Variants in NUP153 observed in about 807,000 individuals in gnomAD.
NUP153 encodes nuclear pore complex protein Nup153.
A neutral mutation model predicts 134.6 loss-of-function variants in NUP153; 27 were observed. That is an observed-to-expected ratio of 0.20 (90% CI 0.15 to 0.28). The LOEUF is 0.28. Among genes scored for constraint, NUP153 ranks in the 10% least tolerant of loss-of-function variants. NUP153 has a pLI of 1.00. For synonymous variants in NUP153, 640 were observed against 623.5 expected (o/e 1.03, Z -0.40); for missense variants, 1,821 against 1,731.3 (o/e 1.05, Z -0.92).
At chr6:17,679,922 C>T (rs764866163) in intron 2 of NUP153, among the ~76,000 whole-genome samples, 5 of 152,202 alleles carry the variant, frequency 3.3e-5, no homozygotes, top group Non-Finnish European at 7.3e-5. Context: ...AACTGATTTA[C>T]AGCATTGTTG....
At chr6:17,673,160 A>G (rs1318198598) in intron 5 of NUP153, among the ~76,000 whole-genome samples, 1 of 152,196 alleles carries the variant, frequency 6.6e-6, no homozygotes, top group African/African-American at 2.4e-5. Context: ...CAAGGTCAAG[A>G]GTTCGAGACC....
chr6:17,618,677 T>C (rs1764471907), intron 20 of NUP153, among the ~76,000 whole-genome samples: 1 of 151,828 alleles, frequency 6.6e-6, no homozygotes, highest in Non-Finnish European at 1.5e-5. Flanking sequence ...GCCATTCTCC[T>C]GCCTCAGTCT....
chr6:17,675,456 C>A lies in NUP153; in HGVS notation c.583+66G>T, dbSNP rs1768164432. The A allele has an allele frequency of 6.3e-7, 1 of 1,576,238 alleles. No homozygotes were observed. The highest frequency in any genetic ancestry group is 1.2e-5 in the South Asian group (1 of 84,524). The stretch of plus-strand genomic sequence containing the variant: ...TAGAAAATAAAAATTACAACCAAGT[C>A]AGAAAAAAAACCCATAAAATTTAAT... On this transcript the variant is annotated intron_variant, in intron 3 of 21. Transcript: ENST00000262077. The surrounding 1 kb of genome is among the most constrained non-coding windows in gnomAD (Gnocchi z 4.4).
rs774133001 is a variant in NUP153, at chr6:17,669,476, G to A, written c.923C>T (p.Ala308Val). 4 of 1,614,090 alleles carry A rather than the reference G, an allele frequency of 2.5e-6. No homozygotes were observed. Among genetic ancestry groups the A allele is most frequent in the Non-Finnish European group, 3.4e-6 (4 of 1,179,964 alleles). ...CTCTAAAGACTGCAATATTCGCCGA[G>A]CTGTTGAACTGGTCACACCGTAAGA... is the stretch of plus-strand genomic sequence containing the variant. ...AQSYGVTSSTARRILQSLEKM... is the reference protein window; with the variant it reads ...AQSYGVTSSTVRRILQSLEKM... The change falls in exon 6 of 22, where the codon GCT becomes GTT. Residue 308 changes from alanine to valine, a missense_variant. By Grantham distance (64) the Ala-to-Val change is moderately conservative (BLOSUM62 0). Coordinates refer to ENST00000262077, the MANE Select transcript of NUP153 (RefSeq NM_005124.4).
Position 17,706,602 on chromosome 6 carries a change from C to T in NUP153, c.-215G>A, listed in dbSNP as rs1770518880. 3 of 578,098 alleles carry T rather than the reference C, an allele frequency of 5.2e-6. No homozygotes were observed. Among genetic ancestry groups the T allele is most frequent in the Non-Finnish European group, 3.0e-6 (1 of 328,154 alleles). 35.8% of individuals were successfully genotyped at this position (578,098 alleles called of 1,614,324 possible). On this transcript the variant is annotated 5_prime_UTR_variant, in exon 1 of 22. Coordinates refer to ENST00000262077, the MANE Select transcript of NUP153 (RefSeq NM_005124.4). The surrounding 1 kb of genome is among the most constrained non-coding windows in gnomAD (Gnocchi z 5.9). ...GCAGCGGGGAAGGGGGTGGCGGCCG[C>T]AGAGGCCGAGGAGGCTCCGGTCCGG...
At chr6:17,682,104 GGAGA>G (rs1768616270) in intron 2 of NUP153, among the ~76,000 whole-genome samples, 1 of 152,128 alleles carries the variant, frequency 6.6e-6, no homozygotes, top group African/African-American at 2.4e-5. Flanking sequence ...CAGCTACCTG[GGAGA>G]GTGAGGAGGA....
chr6:17,656,659 G>A (rs1766837118), intron 11 of NUP153, among the ~76,000 whole-genome samples: 1 of 152,134 alleles, frequency 6.6e-6, no homozygotes, highest in African/African-American at 2.4e-5. Flanking sequence ...AGAAAGGAAA[G>A]CTTTACTTAG....
chr6:17,681,295 T>C (rs947761145), intron 2 of NUP153, among the ~76,000 whole-genome samples: 11 of 151,294 alleles, frequency 7.3e-5, no homozygotes, highest in African/African-American at 1.9e-4. Flanking sequence ...AGACAGAGAA[T>C]AGAATGATGG....
rs750135954 is a variant in NUP153 at position 17,675,612 on chromosome 6, G to C, written c.493C>G (p.Leu165Val). ...GTAGAATCTTTAATTTCCTTTACAA[G>C]GGAAAATCCCGAACTGCCAATTGGG... ...AFPIGSSGFS[L>V]VKEIKDSTSQ... The change falls in exon 3 of 22, where the codon CTT becomes GTT. Residue 165 changes from leucine (L) to valine (V), a missense_variant. Coordinates refer to ENST00000262077, the MANE Select transcript of NUP153 (RefSeq NM_005124.4). This position sits in a 1 kb window ranked among gnomAD's most constrained non-coding sequence, Gnocchi z 4.4. 4 of 1,614,068 alleles carry C rather than the reference G, an allele frequency of 2.5e-6. No homozygotes were observed. The East Asian group carries it at 8.9e-5, about 36-fold the overall frequency.
intron 11 of NUP153, among the ~76,000 whole-genome samples, chr6:17,657,370 C>G (rs1561880612): frequency 6.7e-6 from 1 of 150,352 alleles, no homozygotes. Flanking sequence ...TGGCAAAACC[C>G]CGTCTCTACT....
Position 17,628,671 on chromosome 6 carries a change from T to C in NUP153, c.3528A>G (p.Gln1176=), listed in dbSNP as rs759930405. ...AATACTTACCAGCTGTAGTACTAGT[T>C]TGAGCTCCAAAGGCAAAAGTGGCTT... The part of the protein sequence containing the change: ...PAKATFAFGA[Q]TSTTADQGAA... The change falls in exon 18 of 22, where the codon CAA becomes CAG. Residue 1176 remains glutamine (Q), a synonymous_variant. Transcript: ENST00000262077. This position sits in a 1 kb window ranked among gnomAD's most constrained non-coding sequence, Gnocchi z 5.4. 1 of 1,601,964 alleles carries C rather than the reference T, an allele frequency of 6.2e-7. No homozygotes were observed. Among genetic ancestry groups the C allele is most frequent in the South Asian group, 1.1e-5 (1 of 89,986 alleles).
At chr6:17,663,095 G>T (rs114254315) in intron 9 of NUP153, among the ~76,000 whole-genome samples, 250 of 152,166 alleles carry the variant, frequency 1.6e-3, no homozygotes, top group African/African-American at 5.6e-3. Flanking sequence ...TTTGACCACT[G>T]CTATGCATTA....
chr6:17,637,023 G>A, intron 16 of NUP153, 130 bp downstream of exon 16: 1 of 914,736 alleles, frequency 1.1e-6, no homozygotes. Flanking sequence ...TTTACCTCAA[G>A]ATAGTTTAGA....
chr6:17,637,810 T>G, intron 15 of NUP153, 40 bp from the exon 16 acceptor site: 1 of 1,539,296 alleles, frequency 6.5e-7, no homozygotes, highest in Admixed American at 2.0e-5. Context: ...TTAGAGAAGC[T>G]TTATAAATCA....
rs140065471 is a variant in NUP153 at position 17,636,655 on chromosome 6, C to G, written c.2464+498G>C. ...TTTGAACAGAGAAACAGAAAAAACT[C>G]AAAACTAACTCCATGTTTCTGGCTG... On this transcript the variant is annotated intron_variant, in intron 16 of 21. Transcript: ENST00000262077. 1.8e-4 allele frequency among the ~76,000 whole-genome samples: 27 copies of G among 152,196 alleles called. No homozygotes were observed. The East Asian group carries it at 4.6e-3, about 26-fold the overall frequency.
At chr6:17,679,770 T>C (rs760509626) in intron 2 of NUP153, among the ~76,000 whole-genome samples, 1 of 152,180 alleles carries the variant, frequency 6.6e-6, no homozygotes, top group Admixed American at 6.6e-5. Context: ...CCTGAGGCTT[T>C]AGTCACAAAA....
At chr6:17,618,788 G>A (rs1050318263) in intron 20 of NUP153, among the ~76,000 whole-genome samples, 14 of 152,218 alleles carry the variant, frequency 9.2e-5, no homozygotes, top group South Asian at 2.1e-4. Context: ...GGATGGTCTC[G>A]ATATCCTGAC....
In NUP153 at chr6:17,675,704, C is replaced by A. The variant is rs760415393; in HGVS notation, c.401G>T (p.Ser134Ile). Residue 134 changes from serine (S) to isoleucine (I), a missense_variant, in exon 3 of 22, where the codon AGC becomes ATC. Coordinates refer to ENST00000262077, the MANE Select transcript of NUP153 (RefSeq NM_005124.4). This position sits in a 1 kb window ranked among gnomAD's most constrained non-coding sequence, Gnocchi z 4.4. ...DVLTRPSLHR[S>I]HLNFSMLESP... is the part of the protein sequence containing the mutation. ...TTCCAACATGGAAAAATTCAGATGG[C>A]TCCGATGAAGAGAAGGCCTTGTTAA... is the stretch of plus-strand genomic sequence containing the variant. 1 of 1,613,918 alleles carries A rather than the reference C, an allele frequency of 6.2e-7. No homozygotes were observed. Among genetic ancestry groups the A allele is most frequent in the African/African-American group, 1.3e-5 (1 of 74,906 alleles).
chr6:17,694,152 T>C (rs1366932929), intron 1 of NUP153, among the ~76,000 whole-genome samples: 1 of 152,194 alleles, frequency 6.6e-6, no homozygotes, highest in Admixed American at 6.5e-5. Flanking sequence ...GAACATAAGC[T>C]CCAAGAAGGC....
Sources: gnomAD v4.1 joint callset for allele counts (sites outside exome capture counted in the v4.1 genomes callset) on GRCh38, gnomAD v4.1.1 for gene constraint, Gnocchi (gnomAD v3.1) non-coding constraint, MANE v1.5 for transcripts, NCBI Gene and HGNC (gene_info 2026-07-23, HGNC 2026-07-21) for gene names.